WDR17: variants seen among roughly 807,000 people sequenced by gnomAD.
WDR17 encodes the protein WD repeat-containing protein 17.
A neutral mutation model predicts 161.7 loss-of-function variants in WDR17; 143 were observed. The observed-to-expected ratio is 0.88, with a 90% confidence interval of 0.77 to 1.02. The LOEUF is 1.02. Ranked by LOEUF, WDR17 falls within the 50% of genes least tolerant of loss-of-function variation. The probability of loss-of-function intolerance (pLI) is 0.00; values close to 1 mark genes in which losing one functional copy is unlikely to be tolerated. For synonymous variants in WDR17, 517 were observed against 515.6 expected (o/e 1.00, Z -0.04); for missense variants, 1,469 against 1,520.9 (o/e 0.97, Z 0.57).
chr4:176,124,422 T>C (rs1357355849), intron 4 of WDR17, among the ~76,000 whole-genome samples: 1 of 152,240 alleles, frequency 6.6e-6, no homozygotes, highest in African/African-American at 2.4e-5. Flanking sequence ...TTTATACTAC[T>C]GGTTGGGTGT....
chr4:176,131,176 A>G (rs1456873891), intron 6 of WDR17, among the ~76,000 whole-genome samples: 1 of 152,144 alleles, frequency 6.6e-6, no homozygotes, highest in African/African-American at 2.4e-5. Flanking sequence ...AAAAAATTAT[A>G]TGCATATATG....
At chr4:176,174,569 T>C in intron 25 of WDR17, 48 bp from the exon 26 acceptor site, 1 of 1,374,988 alleles carries the variant, frequency 7.3e-7, no homozygotes, top group Non-Finnish European at 1.0e-6. Context: ...AGTAATGTTC[T>C]ATGCCTCAAA....
intron 17 of WDR17, among the ~76,000 whole-genome samples, chr4:176,155,716 A>AAAAT (rs1554033763): frequency 2.3e-5 from 3 of 130,294 alleles, no homozygotes; most frequent in Non-Finnish European, 4.7e-5. Flanking sequence ...GACTAATTAA[A>AAAAT]ATATATATAT....
At chr4:176,135,337 C>T (rs1472286768) in intron 8 of WDR17, 61 bp downstream of exon 8, 15 of 1,548,452 alleles carry the variant, frequency 9.7e-6, no homozygotes, top group African/African-American at 1.4e-5. Flanking sequence ...GTTTTATTTT[C>T]ATTTGAGTTA....
chr4:176,110,539 T>C (rs1739538139), intron 1 of WDR17, among the ~76,000 whole-genome samples: 1 of 152,218 alleles, frequency 6.6e-6, no homozygotes, highest in Non-Finnish European at 1.5e-5. Flanking sequence ...GAATGTCATT[T>C]ATTAGATAAC....
chr4:176,107,524 G>A (rs1391516335), intron 1 of WDR17, among the ~76,000 whole-genome samples: 1 of 151,116 alleles, frequency 6.6e-6, no homozygotes, highest in Non-Finnish European at 1.5e-5. Context: ...AAACATGGAA[G>A]CAATCCAGGC....
chr4:176,168,993 G>C (rs1047474593), intron 23 of WDR17, among the ~76,000 whole-genome samples: 7 of 152,094 alleles, frequency 4.6e-5, no homozygotes, highest in African/African-American at 1.7e-4. Context: ...ACATGTATTT[G>C]TATCTTCATT....
intron 1 of WDR17, among the ~76,000 whole-genome samples, chr4:176,071,389 C>A (rs1237089612): frequency 6.7e-6 from 1 of 150,022 alleles, no homozygotes. Context: ...GTGACACGAT[C>A]TAGGCTCACT....
At chr4:176,071,874 T>A (rs1733292597) in intron 1 of WDR17, among the ~76,000 whole-genome samples, 1 of 152,226 alleles carries the variant, frequency 6.6e-6, no homozygotes, top group South Asian at 2.1e-4. Flanking sequence ...TAAAGGTAAC[T>A]CCATTCATCT....
intron 1 of WDR17, among the ~76,000 whole-genome samples, chr4:176,079,844 G>C (rs921487436): frequency 3.3e-5 from 5 of 152,004 alleles, no homozygotes; most frequent in Admixed American, 2.6e-4. Flanking sequence ...CACAAGGCGA[G>C]GGGGGGTGAG....
chr4:176,172,566 C>A, intron 24 of WDR17, 50 bp downstream of exon 24: 1 of 1,449,816 alleles, frequency 6.9e-7, no homozygotes, highest in South Asian at 1.3e-5. Context: ...TTTATTTGAT[C>A]GTTGTTTTCA....
chr4:176,070,547 A>G (rs1292691217), intron 1 of WDR17, among the ~76,000 whole-genome samples: 2 of 151,000 alleles, frequency 1.3e-5, no homozygotes, highest in African/African-American at 4.9e-5. Context: ...TTCTTCTGAG[A>G]CAGGGTCTCC....
At chr4:176,176,109 A>G (rs1334304466) in intron 26 of WDR17, among the ~76,000 whole-genome samples, 4 of 152,230 alleles carry the variant, frequency 2.6e-5, no homozygotes, top group African/African-American at 9.6e-5. Flanking sequence ...GATATATCAC[A>G]TAGATGTAAA....
At chr4:176,128,140 C>T (rs1384651350) in intron 5 of WDR17, among the ~76,000 whole-genome samples, 1 of 152,096 alleles carries the variant, frequency 6.6e-6, no homozygotes, top group Non-Finnish European at 1.5e-5. Context: ...TGGTATGGAC[C>T]TTTGCTTATA....
chr4:176,160,209 T>C (rs1579226140), intron 19 of WDR17, 83 bp downstream of exon 19: 14 of 1,504,316 alleles, frequency 9.3e-6, no homozygotes, highest in Non-Finnish European at 1.3e-5. Context: ...TGGCTCACCC[T>C]TACATAATTG....
intron 1 of WDR17, among the ~76,000 whole-genome samples, chr4:176,074,836 G>C (rs1298408667): frequency 1.8e-5 from 1 of 56,968 alleles, no homozygotes; most frequent in Non-Finnish European, 3.4e-5. Flanking sequence ...TTTTTTTGCT[G>C]TTCTTGCCTA....
intron 4 of WDR17, among the ~76,000 whole-genome samples, chr4:176,121,519 G>T (rs189650879): frequency 1.3e-5 from 2 of 152,052 alleles, no homozygotes; most frequent in Non-Finnish European, 2.9e-5. Context: ...CATCAGGATT[G>T]TGACACTTTC....
At position 176,146,124 on chromosome 4, in the gene WDR17, G is replaced by A. The variant is rs1375513261; in HGVS notation, c.1659G>A (p.Leu553=). Residue 553 remains leucine (L), a synonymous_variant, in exon 12 of 29, where the codon CTG becomes CTA. Coordinates refer to ENST00000508596, the MANE Select transcript of WDR17 (RefSeq NM_181265.4). ...TGTTTCATGTTAAATGGTCTCCTCTGAGAGAGGGAATTCTTTGCAGTGGTT... is the reference window on the plus strand; with the variant it reads ...TGTTTCATGTTAAATGGTCTCCTCTAAGAGAGGGAATTCTTTGCAGTGGTT... The part of the protein sequence containing the change: ...AKVFHVKWSP[L]REGILCSGSD... The A allele has an allele frequency of 1.2e-6, 2 of 1,613,746 alleles. No homozygotes were observed. The highest frequency in any genetic ancestry group is 1.7e-5 in the Admixed American group (1 of 59,998).
chr4:176,110,106 C>G (rs539604612), intron 1 of WDR17, among the ~76,000 whole-genome samples: 1 of 151,910 alleles, frequency 6.6e-6, no homozygotes, highest in South Asian at 2.1e-4. Context: ...AAGATTGTCT[C>G]TCATATTAGG....
Sources: gnomAD v4.1 joint callset for allele counts (sites outside exome capture counted in the v4.1 genomes callset) on GRCh38, gnomAD v4.1.1 for gene constraint, MANE v1.5 for transcripts, NCBI Gene and HGNC (gene_info 2026-07-23, HGNC 2026-07-21) for gene names.